Variants in TLCD5 observed in about 807,000 individuals in gnomAD.
The protein encoded by TLCD5 is TLC domain containing 5.
TLCD5 carries 15 observed loss-of-function variants against 20.5 expected under a neutral mutation model. That is an observed-to-expected ratio of 0.73 (90% CI 0.49 to 1.13). The LOEUF (loss-of-function observed/expected upper bound fraction) is 1.13. TLCD5 is among the 50% of genes most tolerant of loss of function. The pLI, the probability that TLCD5 is intolerant of heterozygous loss-of-function variation, is 0.00. For missense variants in TLCD5, 289 were observed against 305.6 expected (o/e 0.95, Z 0.41); for synonymous variants, 107 against 114.7 (o/e 0.93, Z 0.43).
Position 120,333,488 on chromosome 11 carries a change from C to G in TLCD5, c.*2973C>G, listed in dbSNP as rs1463860266. ...AGAACAATGTGAACTGAAGATGACTCAGCAGTTAAGACAATGCTAAGTTCT... is the reference window on the plus strand; with the variant it reads ...AGAACAATGTGAACTGAAGATGACTGAGCAGTTAAGACAATGCTAAGTTCT... On this transcript the variant is annotated 3_prime_UTR_variant, in exon 3 of 3. Transcript: ENST00000375095. This position sits in a 1 kb window ranked among gnomAD's most constrained non-coding sequence, Gnocchi z 4.5. The G allele has an allele frequency of 1.3e-5, 2 of 152,108 alleles. No homozygotes were observed. The highest frequency in any genetic ancestry group is 4.8e-5 in the African/African-American group (2 of 41,414). The allele number at this position is 152,108 out of a possible 1,614,324, so 9.4% of individuals were successfully genotyped here.
rs1942130829 is a variant in TLCD5, at chr11:120,330,521, G to T, written c.*6G>T. On this transcript the variant is annotated 3_prime_UTR_variant, in exon 3 of 3. Transcript: ENST00000375095. ...GACATCTCAAAATACACTAGCCAAG[G>T]CTTGCTCCAGATTATGGATTGGGTT... is the stretch of plus-strand genomic sequence containing the variant. The T allele has an allele frequency of 6.2e-7, 1 of 1,601,714 alleles. No individual in the cohort carries two copies. The highest frequency in any genetic ancestry group is 8.5e-7 in the Non-Finnish European group (1 of 1,173,220).
chr11:120,327,399 GGTGCATCCTTT>G (rs1942025145), intron 1 of TLCD5, 31 bp from the exon 2 acceptor site: 1 of 1,613,994 alleles, frequency 6.2e-7, no homozygotes, highest in East Asian at 2.2e-5. Flanking sequence ...GTTTTCTTAG[GGTGCATCCTTT>G]GTTTTTCTGG....
intron 1 of TLCD5, among the ~76,000 whole-genome samples, chr11:120,326,812 C>T (rs944255958): frequency 3.3e-5 from 5 of 152,188 alleles, no homozygotes; most frequent in East Asian, 1.9e-4. Context: ...ATCTTTGGGT[C>T]GGATTTCAGA....
chr11:120,329,272 G>A (rs1439991106), intron 2 of TLCD5, among the ~76,000 whole-genome samples: 1 of 152,120 alleles, frequency 6.6e-6, no homozygotes, highest in Non-Finnish European at 1.5e-5. Flanking sequence ...TGAATTTGGG[G>A]AGGGAGGACA....
intron 2 of TLCD5, among the ~76,000 whole-genome samples, chr11:120,328,892 A>T (rs1184534354): frequency 1.4e-4 from 13 of 94,044 alleles, no homozygotes; most frequent in South Asian, 3.3e-4. Flanking sequence ...TCTGTGTCCT[A>T]ATCCCTTCTA....
At chr11:120,329,059 C>T in intron 2 of TLCD5, among the ~76,000 whole-genome samples, 1 of 148,086 alleles carries the variant, frequency 6.8e-6, no homozygotes, top group South Asian at 2.2e-4. Context: ...GTCCTTATCC[C>T]TTCTAAGGAT....
chr11:120,328,677 T>TTGTG (rs1565399900), intron 2 of TLCD5, among the ~76,000 whole-genome samples: 70 of 91,738 alleles, frequency 7.6e-4, no homozygotes, highest in African/African-American at 3.2e-3. Flanking sequence ...ATAACAGTCA[T>TTGTG]AGTGTGTGTG....
chr11:120,327,644 G>T lies in TLCD5; in HGVS notation c.199+4G>T. ...CCATGGCCTTTTACCCACCCAGGTA[G>T]GTAGGGGATTTTCCCTTAGGGATTT... On this transcript the variant is annotated splice_donor_region_variant and intron_variant, in intron 2 of 2. Transcript: ENST00000375095. 6.2e-7 allele frequency: 1 copy of T among 1,609,966 alleles called. No individual in the cohort carries two copies. Among genetic ancestry groups the T allele is most frequent in the Non-Finnish European group, 8.5e-7 (1 of 1,178,112 alleles).
chr11:120,326,214 T>C (rs1025908584), intron 1 of TLCD5, among the ~76,000 whole-genome samples: 24 of 151,678 alleles, frequency 1.6e-4, no homozygotes, highest in African/African-American at 5.1e-4. Flanking sequence ...ATTTCTTCTT[T>C]TTTTTTTTAA....
In TLCD5 at chr11:120,327,577, C is replaced by CT. The variant is rs1491324269; in HGVS notation, c.137dup (p.Ser47LeufsTer12). ...CCTGGTCACCTTCACCCATGGAGTC[C>CT]TCTCTATAGGCCTCTCCGCTTATAT... On this transcript the variant is annotated frameshift_variant, in exon 2 of 3. Transcript: ENST00000375095. LOFTEE classifies it high-confidence loss of function. The CT allele has an allele frequency of 1.9e-6, 3 of 1,613,878 alleles. No individual in the cohort carries two copies. The East Asian group carries it at 6.7e-5, about 36-fold the overall frequency.
chr11:120,333,637 T>C lies in TLCD5; in HGVS notation c.*3122T>C, dbSNP rs923771614. The C allele has an allele frequency of 7.2e-5, 11 of 152,206 alleles. No individual in the cohort carries two copies. Among genetic ancestry groups the C allele is most frequent in the Non-Finnish European group, 2.9e-5 (2 of 68,024 alleles). 9.4% of individuals were successfully genotyped at this position (152,206 alleles called of 1,614,324 possible). ...TGTTCAAGAACGATTTATATTTCCA[T>C]AAGATTTGTACTAAATTTTATAAAA... is the stretch of plus-strand genomic sequence containing the variant. On this transcript the variant is annotated 3_prime_UTR_variant, in exon 3 of 3. Coordinates refer to ENST00000375095, the MANE Select transcript of TLCD5 (RefSeq NM_001198671.2). The surrounding 1 kb of genome is among the most constrained non-coding windows in gnomAD (Gnocchi z 4.5).
chr11:120,328,841 TAGTG>T (rs1942072232), intron 2 of TLCD5, among the ~76,000 whole-genome samples: 1 of 87,730 alleles, frequency 1.1e-5, no homozygotes, highest in Non-Finnish European at 2.3e-5. Context: ...ATAACAGTCA[TAGTG>T]TGTGTGTGTG....
rs1942175733 is a variant in TLCD5 at position 120,332,447 on chromosome 11, A to G, written c.*1932A>G. ...GTGAGCAAGCATATGGTGCTACTGG[A>G]GTCAAGGCTGGTCAGTAGGAAGCAT... On this transcript the variant is annotated 3_prime_UTR_variant, in exon 3 of 3. Coordinates refer to ENST00000375095, the MANE Select transcript of TLCD5 (RefSeq NM_001198671.2). The surrounding 1 kb of genome is among the most constrained non-coding windows in gnomAD (Gnocchi z 4.2). 1 of 152,164 alleles carries G rather than the reference A, an allele frequency of 6.6e-6. No individual in the cohort carries two copies. The highest frequency in any genetic ancestry group is 1.9e-4 in the East Asian group (1 of 5,202). 9.4% of individuals were successfully genotyped at this position (152,164 alleles called of 1,614,324 possible).
rs1338534027 is a variant in TLCD5, at chr11:120,330,055, T to A, written c.278T>A (p.Val93Asp). 3 of 1,614,204 alleles carry A rather than the reference T, an allele frequency of 1.9e-6. No individual in the cohort carries two copies. Among genetic ancestry groups the A allele is most frequent in the Non-Finnish European group, 2.5e-6 (3 of 1,180,038 alleles). Residue 93 changes from valine to aspartate, a missense_variant, in exon 3 of 3, where the codon GTC (valine) becomes GAC (aspartate). Physicochemically the swap from Val to Asp is radical, Grantham distance 152 (BLOSUM62 -3). Coordinates refer to ENST00000375095, the MANE Select transcript of TLCD5 (RefSeq NM_001198671.2). The part of the protein sequence containing the change: ...GYFIFDLGWC[V>D]YFQSEGALML... ...TTCATCTTCGACTTGGGCTGGTGCGTCTACTTTCAGTCTGAGGGTGCCTTG... is the reference window on the plus strand; with the variant it reads ...TTCATCTTCGACTTGGGCTGGTGCGACTACTTTCAGTCTGAGGGTGCCTTG...
rs1205759868 is a variant in TLCD5, at chr11:120,326,561, G to A, written c.-1-880G>A. 1.2e-4 allele frequency among the ~76,000 whole-genome samples: 19 copies of A among 152,336 alleles called. No homozygotes were observed. In the East Asian group the frequency reaches 3.7e-3, roughly 29 times the overall value. Reference sequence around the variant, plus strand: ...TTTATTTGTACGTTTCAATGGAGGAGCTAATGAATACTAACTAATAACAAC... The same window carrying A: ...TTTATTTGTACGTTTCAATGGAGGAACTAATGAATACTAACTAATAACAAC... On this transcript the variant is annotated intron_variant, in intron 1 of 2. Transcript: ENST00000375095.
Position 120,332,652 on chromosome 11 carries a change from C to A in TLCD5, c.*2137C>A, listed in dbSNP as rs1942182227. 1 of 152,454 alleles carries A rather than the reference C, an allele frequency of 6.6e-6. No homozygotes were observed. The highest frequency in any genetic ancestry group is 2.4e-5 in the African/African-American group (1 of 41,438). The allele number at this position is 152,454 out of a possible 1,614,324, so 9.4% of individuals were successfully genotyped here. ...TGTTCAAGTGATTCTCCTGCCTCAG[C>A]CTCCCGAGTAGCTGGGACTACAGGC... On this transcript the variant is annotated 3_prime_UTR_variant, in exon 3 of 3. Coordinates refer to ENST00000375095, the MANE Select transcript of TLCD5 (RefSeq NM_001198671.2). This position sits in a 1 kb window ranked among gnomAD's most constrained non-coding sequence, Gnocchi z 4.2.
chr11:120,330,187 A>T lies in TLCD5; in HGVS notation c.410A>T (p.Asn137Ile). The T allele has an allele frequency of 6.3e-7, 1 of 1,578,496 alleles. No individual in the cohort carries two copies. Among genetic ancestry groups the T allele is most frequent in the Non-Finnish European group, 8.6e-7 (1 of 1,161,222 alleles). Residue 137 changes from asparagine (N) to isoleucine (I), a missense_variant, in exon 3 of 3, where the codon AAC becomes ATC. Transcript: ENST00000375095. ...NAVLFGSELT[N>I]PLLQMRWFLR... ...GTCCTCTTTGGAAGTGAGCTTACCAACCCCTTGCTACAGATGCGCTGGTTT... is the reference window on the plus strand; with the variant it reads ...GTCCTCTTTGGAAGTGAGCTTACCATCCCCTTGCTACAGATGCGCTGGTTT...
rs917637404 is a variant in TLCD5, at chr11:120,331,862, G to A, written c.*1347G>A. The A allele has an allele frequency of 3.3e-5, 5 of 152,194 alleles. No individual in the cohort carries two copies. The highest frequency in any genetic ancestry group is 1.2e-4 in the African/African-American group (5 of 41,454). 9.4% of individuals were successfully genotyped at this position (152,194 alleles called of 1,614,324 possible). The stretch of plus-strand genomic sequence containing the variant: ...GGATTCCACTGTGCTTGAGATGGCA[G>A]TTTAGATTTCAGCTCTGCTGTACAT... On this transcript the variant is annotated 3_prime_UTR_variant, in exon 3 of 3. Coordinates refer to ENST00000375095, the MANE Select transcript of TLCD5 (RefSeq NM_001198671.2). This position sits in a 1 kb window ranked among gnomAD's most constrained non-coding sequence, Gnocchi z 4.5.
At position 120,328,565 on chromosome 11, in the gene TLCD5, T is replaced by C. The variant is rs577839632; in HGVS notation, c.199+925T>C. Reference sequence around the variant, plus strand: ...CTGTCCTTGGCTTGCACATGGCCGCTCTCCCACTGTGTCCTTCCATGGTCT... The same window carrying C: ...CTGTCCTTGGCTTGCACATGGCCGCCCTCCCACTGTGTCCTTCCATGGTCT... On this transcript the variant is annotated intron_variant, in intron 2 of 2. Coordinates refer to ENST00000375095, the MANE Select transcript of TLCD5 (RefSeq NM_001198671.2). Among the ~76,000 whole-genome samples the C allele has an allele frequency of 2.6e-3, 388 of 151,438 alleles. 2 individuals are homozygous for C. The highest frequency in any genetic ancestry group is 4.2e-3 in the Non-Finnish European group (283 of 67,834).
Sources: gnomAD v4.1 joint callset for allele counts (sites outside exome capture counted in the v4.1 genomes callset) on GRCh38, gnomAD v4.1.1 for gene constraint, Gnocchi (gnomAD v3.1) non-coding constraint, MANE v1.5 for transcripts, NCBI Gene and HGNC (gene_info 2026-07-23, HGNC 2026-07-21) for gene names.